RPN1: variants seen among roughly 807,000 people sequenced by gnomAD.
RPN1 encodes the protein ribophorin I.
RPN1 carries 12 observed loss-of-function variants against 55.5 expected under a neutral mutation model. That is an observed-to-expected ratio of 0.22 (90% CI 0.14 to 0.35). The LOEUF (loss-of-function observed/expected upper bound fraction) is 0.35. Among genes scored for constraint, RPN1 ranks in the 10% least tolerant of loss-of-function variants. The probability of loss-of-function intolerance (pLI) is 1.00; values close to 1 mark genes in which losing one functional copy is unlikely to be tolerated. For missense variants in RPN1, 679 were observed against 761.3 expected (o/e 0.89, Z 1.27); for synonymous variants, 317 against 305.9 (o/e 1.04, Z -0.38).
intron 2 of RPN1, among the ~76,000 whole-genome samples, chr3:128,641,398 C>T (rs557218536): frequency 3.3e-5 from 5 of 152,230 alleles, no homozygotes; most frequent in African/African-American, 4.8e-5. Context: ...ACTCAACCCA[C>T]CCTACACAGC....
At chr3:128,623,397 G>A (rs1178845015) in intron 8 of RPN1, among the ~76,000 whole-genome samples, 1 of 152,110 alleles carries the variant, frequency 6.6e-6, no homozygotes, top group African/African-American at 2.4e-5. Context: ...AATTAGCCGG[G>A]CATGGTGGTG....
chr3:128,646,049 T>C (rs745809709), intron 1 of RPN1, among the ~76,000 whole-genome samples: 33 of 150,188 alleles, frequency 2.2e-4, no homozygotes, highest in Admixed American at 4.6e-4. Context: ...TCAAGACCAG[T>C]CTGGCCAATA....
chr3:128,647,645 T>C (rs1301672706), intron 1 of RPN1, among the ~76,000 whole-genome samples: 1 of 148,976 alleles, frequency 6.7e-6, no homozygotes, highest in African/African-American at 2.5e-5. Flanking sequence ...GAGCTCTGAC[T>C]GGGCCACTGT....
At chr3:128,648,271 T>C (rs750006871) in intron 1 of RPN1, among the ~76,000 whole-genome samples, 9 of 152,120 alleles carry the variant, frequency 5.9e-5, no homozygotes, top group Middle Eastern at 3.2e-3. Flanking sequence ...AGCACGCGCC[T>C]GTAGTCCCAG....
rs541786472 is a variant in RPN1, at chr3:128,638,377, T to C, written c.327-272A>G. The stretch of plus-strand genomic sequence containing the variant: ...GCTGGGATTACCTATTAGAATGTTT[T>C]TAACTTTTGTTCCATTGTTGAACAT... On this transcript the variant is annotated intron_variant, in intron 2 of 9. Coordinates refer to ENST00000296255, the MANE Select transcript of RPN1 (RefSeq NM_002950.4). 7.2e-5 allele frequency among the ~76,000 whole-genome samples: 11 copies of C among 152,306 alleles called. No individual in the cohort carries two copies. In the South Asian group the frequency reaches 1.5e-3, roughly 20 times the overall value.
intron 3 of RPN1, among the ~76,000 whole-genome samples, chr3:128,632,407 A>G (rs1438773217): frequency 6.6e-6 from 1 of 152,216 alleles, no homozygotes; most frequent in Admixed American, 6.5e-5. Context: ...AGCTGATTGT[A>G]TTAGGCAGTT....
In RPN1 at chr3:128,620,579, CTG is replaced by C; in HGVS notation, c.1654_1655del (p.Gln552GlufsTer18). Reference sequence around the variant, plus strand: ...GCTCCTTGACCTGTGCATCCAGCTTCTGCATTTCGCTCACCTGGCCGAGGCAA... The same window carrying C: ...GCTCCTTGACCTGTGCATCCAGCTTCCATTTCGCTCACCTGGCCGAGGCAA... ...SDLCDRVSEM[Q>X]KLDAQVKELV... On this transcript the variant is annotated frameshift_variant, in exon 10 of 10. Coordinates refer to ENST00000296255, the MANE Select transcript of RPN1 (RefSeq NM_002950.4). LOFTEE classifies it high-confidence loss of function. The C allele has an allele frequency of 6.2e-7, 1 of 1,613,498 alleles. No homozygotes were observed. The highest frequency in any genetic ancestry group is 8.5e-7 in the Non-Finnish European group (1 of 1,179,638).
In RPN1 at chr3:128,620,313, T is replaced by C; in HGVS notation, c.*98A>G. 1 of 1,156,494 alleles carries C rather than the reference T, an allele frequency of 8.6e-7. No individual in the cohort carries two copies. The highest frequency in any genetic ancestry group is 1.8e-5 in the South Asian group (1 of 56,438). The allele number at this position is 1,156,494 out of a possible 1,614,324, so 71.6% of individuals were successfully genotyped here. On this transcript the variant is annotated 3_prime_UTR_variant, in exon 10 of 10. Coordinates refer to ENST00000296255, the MANE Select transcript of RPN1 (RefSeq NM_002950.4). ...TTGAAGGCCTTTTACAGATGTCAGC[T>C]TTCACTGGCCTCCATGCACAACCTC...
intron 9 of RPN1, among the ~76,000 whole-genome samples, chr3:128,621,199 G>A (rs1171217531): frequency 6.6e-6 from 1 of 152,220 alleles, no homozygotes; most frequent in African/African-American, 2.4e-5. Flanking sequence ...TTAAGTAGAA[G>A]AATAAATCGT....
Position 128,650,591 on chromosome 3 carries a change from C to A in RPN1, c.210G>T (p.Leu70=), listed in dbSNP as rs1169823624. Residue 70 remains leucine (L), a synonymous_variant, in exon 1 of 10, where the codon CTG becomes CTT. Coordinates refer to ENST00000296255, the MANE Select transcript of RPN1 (RefSeq NM_002950.4). ...GGSTSRATSF[L]LALEPELEAR... ...CCTCGAGCTCAGGCTCCAAAGCCAGCAGGAAAGAGGTAGCTCGGGACGTGG... is the reference window on the plus strand; with the variant it reads ...CCTCGAGCTCAGGCTCCAAAGCCAGAAGGAAAGAGGTAGCTCGGGACGTGG... 5 of 1,549,112 alleles carry A rather than the reference C, an allele frequency of 3.2e-6. No homozygotes were observed. In the African/African-American group the frequency reaches 4.1e-5, roughly 13 times the overall value.
At position 128,620,015 on chromosome 3, in the gene RPN1, TAA is replaced by T. The variant is rs367651108; in HGVS notation, c.*394_*395del. 374 of 177,800 alleles carry T rather than the reference TAA, an allele frequency of 2.1e-3. No homozygotes were observed. Among genetic ancestry groups the T allele is most frequent in the Non-Finnish European group, 2.8e-3 (246 of 89,120 alleles). The allele number at this position is 177,800 out of a possible 1,614,324, so 11.0% of individuals were successfully genotyped here. A position where few individuals can be genotyped will look rare whatever the true frequency, so the allele number is the denominator to read the frequency against. On this transcript the variant is annotated 3_prime_UTR_variant, in exon 10 of 10. Coordinates refer to ENST00000296255, the MANE Select transcript of RPN1 (RefSeq NM_002950.4). ...TATTTCCATTTGTTCACACACGCTTTAAAAAAAAAAAAAAAAACACATGCACT... is the reference window on the plus strand; with the variant it reads ...TATTTCCATTTGTTCACACACGCTTTAAAAAAAAAAAAAAACACATGCACT...
intron 3 of RPN1, among the ~76,000 whole-genome samples, chr3:128,634,625 C>T (rs1045000763): frequency 1.3e-5 from 2 of 150,082 alleles, no homozygotes; most frequent in African/African-American, 2.5e-5. Context: ...TGCAATGACG[C>T]GATCTTGGCT....
chr3:128,625,766 T>C (rs1228350828), intron 7 of RPN1, 108 bp downstream of exon 7: 1 of 1,563,048 alleles, frequency 6.4e-7, no homozygotes, highest in Non-Finnish European at 8.7e-7. Context: ...GAAGACGCCA[T>C]GAGCTCAAAT....
intron 2 of RPN1, among the ~76,000 whole-genome samples, chr3:128,643,214 T>A (rs570904703): frequency 7.3e-6 from 1 of 137,300 alleles, no homozygotes; most frequent in East Asian, 2.2e-4. Flanking sequence ...ATAATCCCAG[T>A]TACTCAGGAG....
At chr3:128,639,428 G>A (rs533516511) in intron 2 of RPN1, among the ~76,000 whole-genome samples, 5 of 148,292 alleles carry the variant, frequency 3.4e-5, no homozygotes, top group Non-Finnish European at 5.9e-5. Flanking sequence ...CACTCCAGCC[G>A]GGCGACAGAG....
chr3:128,644,335 C>T (rs1445751179), intron 2 of RPN1, among the ~76,000 whole-genome samples: 1 of 152,124 alleles, frequency 6.6e-6, no homozygotes, highest in African/African-American at 2.4e-5. Context: ...CAGCATGTTG[C>T]TTATTATCAC....
chr3:128,635,424 C>T (rs2069669751), intron 3 of RPN1, among the ~76,000 whole-genome samples: 1 of 151,624 alleles, frequency 6.6e-6, no homozygotes, highest in South Asian at 2.1e-4. Flanking sequence ...CCTCAACCTC[C>T]CTAGTAGATG....
chr3:128,645,550 A>G (rs1258371549), intron 1 of RPN1, among the ~76,000 whole-genome samples: 1 of 151,760 alleles, frequency 6.6e-6, no homozygotes, highest in East Asian at 1.9e-4. Context: ...TGGGTGTGGT[A>G]GCTCACACCT....
chr3:128,648,845 T>C (rs960476582), intron 1 of RPN1, among the ~76,000 whole-genome samples: 1 of 152,230 alleles, frequency 6.6e-6, no homozygotes, highest in Non-Finnish European at 1.5e-5. Context: ...CATTATACAG[T>C]GTGAGAACAC....
Sources: allele counts gnomAD v4.1 joint callset (sites outside exome capture counted in the v4.1 genomes callset), GRCh38; gene constraint gnomAD v4.1.1; transcripts MANE v1.5; gene names NCBI Gene and HGNC (gene_info 2026-07-23, HGNC 2026-07-21).